PLCB4: variants seen among roughly 807,000 people sequenced by gnomAD.
The protein encoded by PLCB4 is phospholipase C beta 4.
PLCB4 carries 77 observed loss-of-function variants against 178.8 expected under a neutral mutation model. That is an observed-to-expected ratio of 0.43 (90% CI 0.36 to 0.52). The LOEUF is 0.52. Among genes scored for constraint, PLCB4 ranks in the 20% least tolerant of loss-of-function variants. The probability of loss-of-function intolerance (pLI) is 0.00; values close to 1 mark genes in which losing one functional copy is unlikely to be tolerated. For missense variants in PLCB4, 1,024 were observed against 1,453.4 expected (o/e 0.70, Z 4.80); for synonymous variants, 496 against 490.8 (o/e 1.01, Z -0.14).
At chr20:9,070,351 T>C (rs2089504950) in intron 1 of PLCB4, among the ~76,000 whole-genome samples, 1 of 152,206 alleles carries the variant, frequency 6.6e-6, no homozygotes. Context: ...TATTCTTTTA[T>C]TGTTTTCAAG....
intron 28 of PLCB4, among the ~76,000 whole-genome samples, chr20:9,425,147 AAGAGGATC>A (rs774477991): frequency 2.6e-5 from 4 of 152,134 alleles, no homozygotes; most frequent in Non-Finnish European, 5.9e-5. Flanking sequence ...GAGGCTGGGT[AAGAGGATC>A]AGAAAGGGGC....
At chr20:9,434,298 G>A (rs185609954) in intron 28 of PLCB4, among the ~76,000 whole-genome samples, 14 of 152,302 alleles carry the variant, frequency 9.2e-5, no homozygotes, top group Non-Finnish European at 1.8e-4. Flanking sequence ...CGTAGGATTG[G>A]CAGGAGAGAA....
At chr20:9,149,912 A>G (rs1352836586) in intron 2 of PLCB4, among the ~76,000 whole-genome samples, 1 of 152,166 alleles carries the variant, frequency 6.6e-6, no homozygotes, top group Non-Finnish European at 1.5e-5. Context: ...ACTGCAGTGC[A>G]ATCTTAACAA....
intron 9 of PLCB4, chr20:9,370,981 G>A: frequency 2.3e-6 from 1 of 438,738 alleles, no homozygotes; most frequent in Non-Finnish European, 4.1e-6. Flanking sequence ...AAGCACCAGG[G>A]GGACCCCTGG....
chr20:9,126,598 G>C (rs2092120063), intron 2 of PLCB4, among the ~76,000 whole-genome samples: 1 of 152,138 alleles, frequency 6.6e-6, no homozygotes, highest in Admixed American at 6.6e-5. Flanking sequence ...TTGTGAGTGA[G>C]AGGGCTAATG....
At chr20:9,429,175 C>T (rs777120168) in intron 28 of PLCB4, among the ~76,000 whole-genome samples, 21 of 152,076 alleles carry the variant, frequency 1.4e-4, no homozygotes, top group Non-Finnish European at 1.5e-4. Context: ...AGAGAGGTTC[C>T]GGAGCCCCTG....
At chr20:9,360,983 C>A (rs1303017015) in intron 7 of PLCB4, among the ~76,000 whole-genome samples, 1 of 152,112 alleles carries the variant, frequency 6.6e-6, no homozygotes, top group African/African-American at 2.4e-5. Flanking sequence ...ACAAAAAAAC[C>A]CAGAAAATAT....
intron 3 of PLCB4, among the ~76,000 whole-genome samples, chr20:9,224,081 C>G (rs1234621768): frequency 6.6e-6 from 1 of 152,160 alleles, no homozygotes; most frequent in Non-Finnish European, 1.5e-5. Flanking sequence ...GGCGTCTGCC[C>G]AGTTTCAAAG....
chr20:9,387,349 T>G, intron 14 of PLCB4, 114 bp from the exon 15 acceptor site: 1 of 580,018 alleles, frequency 1.7e-6, no homozygotes, highest in Non-Finnish European at 3.1e-6. Flanking sequence ...GTTACTTAAT[T>G]TATTCAATTT....
At chr20:9,230,776 T>C (rs190930439) in intron 3 of PLCB4, among the ~76,000 whole-genome samples, 170 of 152,194 alleles carry the variant, frequency 1.1e-3, no homozygotes, top group African/African-American at 3.9e-3. Context: ...GCAGAGTAGT[T>C]TGGGCTTGTT....
chr20:9,264,626 T>A (rs2094330743), intron 3 of PLCB4, among the ~76,000 whole-genome samples: 1 of 152,348 alleles, frequency 6.6e-6, no homozygotes, highest in African/African-American at 2.4e-5. Flanking sequence ...TAAATTTCTG[T>A]ATTTATCAAA....
intron 25 of PLCB4, among the ~76,000 whole-genome samples, 156 bp downstream of exon 25, chr20:9,411,244 A>G (rs562699848): frequency 5.3e-5 from 8 of 152,368 alleles, no homozygotes; most frequent in African/African-American, 1.7e-4. Context: ...ATATTTGCAC[A>G]TATACATTCT....
rs952142118 is a variant in PLCB4, at chr20:9,104,466, T to C, written c.-79+8124T>C. The stretch of plus-strand genomic sequence containing the variant: ...AGTGTCAAAGAATTTGGGGACCATG[T>C]TTTAAAATTACCATACTCTCTCTGC... On this transcript the variant is annotated intron_variant, in intron 2 of 39. Transcript: ENST00000378473. Among the ~76,000 whole-genome samples the C allele has an allele frequency of 5.3e-5, 8 of 152,206 alleles. 1 individual carries two copies.
chr20:9,377,461 T>A (rs1435855512), intron 12 of PLCB4, among the ~76,000 whole-genome samples: 1 of 152,208 alleles, frequency 6.6e-6, no homozygotes, highest in East Asian at 1.9e-4. Flanking sequence ...ATGATAGTTT[T>A]CTGACTCTAA....
chr20:9,225,219 A>G (rs1483934619), intron 3 of PLCB4, among the ~76,000 whole-genome samples: 1 of 152,232 alleles, frequency 6.6e-6, no homozygotes, highest in Non-Finnish European at 1.5e-5. Flanking sequence ...CTGTATAAAT[A>G]TACATAATAT....
chr20:9,411,223 A>C (rs2039834715), intron 25 of PLCB4, 135 bp downstream of exon 25: 1 of 626,764 alleles, frequency 1.6e-6, no homozygotes, highest in African/African-American at 1.8e-5. Flanking sequence ...AAGAAATGAA[A>C]TACCTAGAGA....
intron 2 of PLCB4, among the ~76,000 whole-genome samples, chr20:9,099,487 A>C (rs1444698994): frequency 6.6e-6 from 1 of 152,222 alleles, no homozygotes; most frequent in Non-Finnish European, 1.5e-5. Context: ...AAGAAAATTA[A>C]AAATTGAGTT....
At chr20:9,382,428 A>T (rs2037221483) in intron 13 of PLCB4, among the ~76,000 whole-genome samples, 1 of 152,254 alleles carries the variant, frequency 6.6e-6, no homozygotes, top group Non-Finnish European at 1.5e-5. Context: ...CAACACATTT[A>T]GAATAAAATC....
intron 2 of PLCB4, among the ~76,000 whole-genome samples, chr20:9,141,158 G>T (rs2092482614): frequency 6.6e-6 from 1 of 152,026 alleles, no homozygotes; most frequent in African/African-American, 2.4e-5. Context: ...ACCACCATGG[G>T]GCCCTAAATC....
Sources: gnomAD v4.1 joint callset for allele counts (sites outside exome capture counted in the v4.1 genomes callset) on GRCh38, gnomAD v4.1.1 for gene constraint, MANE v1.5 for transcripts, NCBI Gene and HGNC (gene_info 2026-07-23, HGNC 2026-07-21) for gene names.